Variants in MAGED1 observed in about 807,000 individuals in gnomAD.
MAGED1 encodes the protein melanoma-associated antigen D1.
In MAGED1, 3 loss-of-function variants were observed where a neutral mutation model predicts 54.1. That is an observed-to-expected ratio of 0.06 (90% CI 0.03 to 0.14). The LOEUF (loss-of-function observed/expected upper bound fraction) is 0.14, where lower values mean the gene tolerates loss of function less well. Ranked by LOEUF, MAGED1 falls within the 10% of genes least tolerant of loss-of-function variation. MAGED1 has a pLI of 1.00. For synonymous variants in MAGED1, 217 were observed against 227.3 expected (o/e 0.95, Z 0.41); for missense variants, 485 against 623.4 (o/e 0.78, Z 2.36).
In MAGED1 at chrX:51,826,233, A is replaced by G. The variant is rs190813984; in HGVS notation, c.-37+23116A>G. ...TTTATTAGATGTCTCTTTGGGGAGG[A>G]GATTTCACTGAGCTCCTCACATAGC... On this transcript the variant is annotated intron_variant, in intron 1 of 12. Transcript: ENST00000375772. Among the ~76,000 whole-genome samples the G allele has an allele frequency of 3.6e-5, 4 of 112,215 alleles. No individual in the cohort carries two copies. In the East Asian group the frequency reaches 1.1e-3, roughly 31 times the overall value.
At chrX:51,892,692 A>G (rs1199594776), upstream of MAGED1, among the ~76,000 whole-genome samples, 1 of 111,424 alleles carries the variant, frequency 9.0e-6, no homozygotes, top group Non-Finnish European at 1.9e-5. Context: ...TGTTTGGTAC[A>G]AATGGGGTGC....
In MAGED1 at chrX:51,807,176, C is replaced by T. The variant is rs1452914015; in HGVS notation, c.-37+4059C>T. ...ATTCTAATGGTTATGAATGGTATCT[C>T]ACTGTGGTTTTATTTCGCATTTCTC... is the stretch of plus-strand genomic sequence containing the variant. On this transcript the variant is annotated intron_variant, in intron 1 of 12. Coordinates refer to the MAGED1 transcript ENST00000375772. Among the ~76,000 whole-genome samples, 4 of 111,763 alleles carry T rather than the reference C, an allele frequency of 3.6e-5. No individual in the cohort carries two copies. The East Asian group carries it at 1.1e-3, about 31-fold the overall frequency.
intron 1 of MAGED1, among the ~76,000 whole-genome samples, chrX:51,884,329 C>T (rs782120034): frequency 3.6e-5 from 4 of 111,637 alleles, no homozygotes; most frequent in African/African-American, 1.3e-4. Flanking sequence ...TCATTAGATA[C>T]CATAGAGGCC....
At chrX:51,866,261 T>C (rs889873761) in intron 1 of MAGED1, among the ~76,000 whole-genome samples, 3 of 112,226 alleles carry the variant, frequency 2.7e-5, no homozygotes, top group Non-Finnish European at 5.6e-5. Context: ...CTTTTTAATG[T>C]TTGTTTTTAT....
chrX:51,841,388 C>G (rs1321639543), intron 1 of MAGED1, among the ~76,000 whole-genome samples: 1 of 110,624 alleles, frequency 9.0e-6, no homozygotes, highest in African/African-American at 3.3e-5. Context: ...TGTAGGGTGC[C>G]TGTTCACTCT....
chrX:51,892,885 G>A (rs1557363632), upstream of MAGED1, among the ~76,000 whole-genome samples: 1 of 111,084 alleles, frequency 9.0e-6, no homozygotes, highest in South Asian at 3.9e-4. Context: ...CTGCAAAATA[G>A]GGGTGCTGAC....
chrX:51,850,685 G>A (rs1165782004), intron 1 of MAGED1, among the ~76,000 whole-genome samples: 1 of 110,950 alleles, frequency 9.0e-6, no homozygotes, highest in Non-Finnish European at 1.9e-5. Flanking sequence ...CATCACCTGA[G>A]GTCAGGAGTT....
rs782017259 is a variant in MAGED1, at chrX:51,836,573, GT to G, written c.-37+33470del. ...CTCTGTATACACTAATGTGTACTCT[GT>G]TTTTTTTTTTTTTGAGATGGAGTCT... On this transcript the variant is annotated intron_variant, in intron 1 of 12. Transcript: ENST00000375772. Among the ~76,000 whole-genome samples the G allele has an allele frequency of 1.7e-3, 164 of 98,977 alleles. 3 individuals carry two copies. The South Asian group carries it at 0.038, about 23-fold the overall frequency. The allele number at this position is 98,977 out of a possible 115,157, so 85.9% of individuals were successfully genotyped here.
At chrX:51,844,598 C>T (rs1445251875) in intron 1 of MAGED1, among the ~76,000 whole-genome samples, 1 of 111,941 alleles carries the variant, frequency 8.9e-6, no homozygotes, top group Non-Finnish European at 1.9e-5. Context: ...CTGATCTCTG[C>T]AGCATCTTCT....
chrX:51,859,757 T>C (rs1180170586), intron 1 of MAGED1, among the ~76,000 whole-genome samples: 2 of 110,802 alleles, frequency 1.8e-5, no homozygotes, highest in Non-Finnish European at 3.8e-5. Flanking sequence ...ACCAGACTTA[T>C]AGAGAGAGAA....
chrX:51,872,535 C>T (rs1229741368), intron 1 of MAGED1, among the ~76,000 whole-genome samples: 3 of 112,267 alleles, frequency 2.7e-5, no homozygotes, highest in Non-Finnish European at 5.6e-5. Flanking sequence ...TTTCTTATTT[C>T]ATTCTTTATA....
chrX:51,875,357 C>T (rs1393720846), intron 1 of MAGED1, among the ~76,000 whole-genome samples: 1 of 111,394 alleles, frequency 9.0e-6, no homozygotes, highest in Non-Finnish European at 1.9e-5. Flanking sequence ...TCTCTCATCT[C>T]TGTCACTCCA....
chrX:51,840,541 G>A (rs1003920398), intron 1 of MAGED1, among the ~76,000 whole-genome samples: 6 of 109,044 alleles, frequency 5.5e-5, no homozygotes, highest in African/African-American at 2.0e-4. Context: ...CCATTAACTC[G>A]TCATTTAGCA....
intron 1 of MAGED1, among the ~76,000 whole-genome samples, chrX:51,838,572 C>A (rs959310143): frequency 3.6e-5 from 4 of 112,321 alleles, no homozygotes; most frequent in African/African-American, 6.5e-5. Context: ...TTCATAAAAT[C>A]CAGATCCTGC....
At chrX:51,861,598 GAGAC>G (rs1267014691) in intron 1 of MAGED1, among the ~76,000 whole-genome samples, 2 of 112,202 alleles carry the variant, frequency 1.8e-5, no homozygotes, top group Non-Finnish European at 1.9e-5. Flanking sequence ...GTTCACTAAA[GAGAC>G]AGGTAGTGAA....
intron 1 of MAGED1, among the ~76,000 whole-genome samples, chrX:51,849,774 A>G (rs1215214335): frequency 4.5e-5 from 5 of 111,563 alleles, no homozygotes; most frequent in African/African-American, 1.3e-4. Context: ...TATATAAAAC[A>G]TGCTTAAAAG....
chrX:51,844,689 G>A (rs1360895200), intron 1 of MAGED1, among the ~76,000 whole-genome samples: 1 of 111,753 alleles, frequency 8.9e-6, no homozygotes. Context: ...TTTGTGAAGA[G>A]ATTAGGCATG....
Position 51,902,239 on chromosome X carries a change from G to T in MAGED1, c.*102G>T. 4.6e-6 allele frequency: 1 copy of T among 219,030 alleles called. No individual in the cohort carries two copies. Among genetic ancestry groups the T allele is most frequent in the Non-Finnish European group, 8.2e-6 (1 of 121,255 alleles). The allele number at this position is 219,030 out of a possible 1,213,427, so 18.1% of individuals were successfully genotyped here. A position where few individuals can be genotyped will look rare whatever the true frequency, so the allele number is the denominator to read the frequency against. On this transcript the variant is annotated 3_prime_UTR_variant, in exon 13 of 13. Coordinates refer to ENST00000326587, the MANE Select transcript of MAGED1 (RefSeq NM_006986.4). ...GCTATCTAGAGAGCCACATCCTGTT[G>T]ACTGAAAGTGGCATGCAAGATAAAT... is the stretch of plus-strand genomic sequence containing the variant.
intron 1 of MAGED1, among the ~76,000 whole-genome samples, chrX:51,860,948 T>A (rs1375664354): frequency 9.0e-6 from 1 of 111,055 alleles, no homozygotes; most frequent in Non-Finnish European, 1.9e-5. Flanking sequence ...CTCTGACTCA[T>A]AATTCCATTC....
Sources: allele counts gnomAD v4.1 joint callset (sites outside exome capture counted in the v4.1 genomes callset), GRCh38; gene constraint gnomAD v4.1.1; transcripts MANE v1.5; gene names NCBI Gene and HGNC (gene_info 2026-07-23, HGNC 2026-07-21).